DIAPH2: variants seen among roughly 807,000 people sequenced by gnomAD.
The protein encoded by DIAPH2 is diaphanous related formin 2.
In DIAPH2, 35 loss-of-function variants were observed where a neutral mutation model predicts 92.7. The observed-to-expected ratio is 0.38, with a 90% CI of 0.29 to 0.50. DIAPH2 has a LOEUF of 0.50. Among genes scored for constraint, DIAPH2 ranks in the 20% least tolerant of loss-of-function variants. DIAPH2 has a pLI of 0.94. For missense variants in DIAPH2, 701 were observed against 819.5 expected (o/e 0.86, Z 1.77); for synonymous variants, 301 against 280.4 (o/e 1.07, Z -0.73).
In DIAPH2 at chrX:97,303,624, T is replaced by G. The variant is rs538695924; in HGVS notation, c.2845-44492T>G. 3.6e-5 allele frequency among the ~76,000 whole-genome samples: 4 copies of G among 111,805 alleles called. No individual in the cohort carries two copies. In the South Asian group the frequency reaches 1.5e-3, roughly 41 times the overall value. On this transcript the variant is annotated intron_variant, in intron 23 of 26. Coordinates refer to ENST00000324765, the MANE Select transcript of DIAPH2 (RefSeq NM_006729.5). ...TGTTCTACAGGATGTTACAATAATG[T>G]TAAAAAAGGGAAAGAAAAAGTATGG...
At chrX:97,106,181 T>C (rs1272398617) in intron 20 of DIAPH2, among the ~76,000 whole-genome samples, 1 of 111,996 alleles carries the variant, frequency 8.9e-6, no homozygotes, top group Non-Finnish European at 1.9e-5. Flanking sequence ...GAAAATTGCA[T>C]TTTTCTTTAT....
intron 4 of DIAPH2, among the ~76,000 whole-genome samples, chrX:96,829,760 G>T (rs1017897611): frequency 9.0e-6 from 1 of 111,415 alleles, no homozygotes; most frequent in African/African-American, 3.3e-5. Flanking sequence ...CTCTCAAATT[G>T]CTGGGATTAT....
At chrX:97,567,913 G>A (rs917175795) in intron 26 of DIAPH2, among the ~76,000 whole-genome samples, 3 of 108,780 alleles carry the variant, frequency 2.8e-5, no homozygotes, top group Non-Finnish European at 5.7e-5. Flanking sequence ...TTGGGAGTTC[G>A]AGACAAGCGT....
At chrX:96,824,438 AT>A (rs1352294997) in intron 4 of DIAPH2, among the ~76,000 whole-genome samples, 1 of 110,353 alleles carries the variant, frequency 9.1e-6, no homozygotes, top group African/African-American at 3.3e-5. Context: ...TGCTCTTCGT[AT>A]TACAAGTAGG....
At chrX:97,222,765 C>A (rs1246888877) in intron 22 of DIAPH2, among the ~76,000 whole-genome samples, 1 of 111,551 alleles carries the variant, frequency 9.0e-6, no homozygotes, top group Non-Finnish European at 1.9e-5. Context: ...TATAATGTGA[C>A]CCTTTAATTC....
In DIAPH2 at chrX:96,773,802, G is replaced by A. The variant is rs1334013780; in HGVS notation, c.447+15544G>A. Among the ~76,000 whole-genome samples the A allele has an allele frequency of 5.4e-5, 6 of 111,361 alleles. 1 individual carries two copies. The highest frequency in any genetic ancestry group is 3.8e-4 in the Admixed American group (4 of 10,453). ...GCAGAGGTTGCAGTGAGCTGAGATCGCGCCTCTGCACTCCAACCTGGGCAA... is the reference window on the plus strand; with the variant it reads ...GCAGAGGTTGCAGTGAGCTGAGATCACGCCTCTGCACTCCAACCTGGGCAA... On this transcript the variant is annotated intron_variant, in intron 4 of 26. Transcript: ENST00000324765.
chrX:97,373,408 T>G (rs2069467219), intron 24 of DIAPH2, among the ~76,000 whole-genome samples: 1 of 109,786 alleles, frequency 9.1e-6, no homozygotes, highest in African/African-American at 3.3e-5. Context: ...TATTATTATG[T>G]AAATCAACTA....
At chrX:97,194,443 G>C (rs1159748259) in intron 22 of DIAPH2, among the ~76,000 whole-genome samples, 2 of 109,722 alleles carry the variant, frequency 1.8e-5, no homozygotes, top group South Asian at 4.0e-4. Context: ...CACCAAGCCC[G>C]GCTAATTTCT....
chrX:97,333,427 G>C (rs1004826563), intron 23 of DIAPH2, among the ~76,000 whole-genome samples: 1 of 111,475 alleles, frequency 9.0e-6, no homozygotes, highest in Non-Finnish European at 1.9e-5. Flanking sequence ...CTCAAGTTCT[G>C]ATAAAACACA....
chrX:97,522,688 AT>A (rs922172521), intron 26 of DIAPH2, among the ~76,000 whole-genome samples: 11 of 110,648 alleles, frequency 9.9e-5, no homozygotes, highest in African/African-American at 3.3e-4. Context: ...TGGAACCCTC[AT>A]TTTTTTTTGT....
chrX:97,416,488 G>T (rs944714964), intron 25 of DIAPH2, among the ~76,000 whole-genome samples: 1 of 112,362 alleles, frequency 8.9e-6, no homozygotes, highest in African/African-American at 3.2e-5. Context: ...TTCTTAGGGA[G>T]TTTGGACTCA....
chrX:96,894,154 C>G (rs2065326591), intron 5 of DIAPH2, among the ~76,000 whole-genome samples: 1 of 111,700 alleles, frequency 9.0e-6, no homozygotes, highest in African/African-American at 3.3e-5. Flanking sequence ...CAACCTACTC[C>G]TGTTAGGTCA....
intron 25 of DIAPH2, among the ~76,000 whole-genome samples, chrX:97,387,254 A>G (rs1030301480): frequency 1.8e-5 from 2 of 111,680 alleles, no homozygotes; most frequent in Admixed American, 1.9e-4. Flanking sequence ...CTGACAAGAG[A>G]TGATGGTGGC....
chrX:97,090,297 C>CTTT (rs2066813688), intron 19 of DIAPH2, among the ~76,000 whole-genome samples: 1 of 51,094 alleles, frequency 2.0e-5, no homozygotes, highest in African/African-American at 6.3e-5. Flanking sequence ...GTCTCTGATC[C>CTTT]CTTTTTTTTT....
At chrX:97,063,431 A>T (rs2066613873) in intron 17 of DIAPH2, among the ~76,000 whole-genome samples, 1 of 112,287 alleles carries the variant, frequency 8.9e-6, no homozygotes, top group African/African-American at 3.2e-5. Flanking sequence ...GTAGCTGCTT[A>T]TGAGCTCTCA....
intron 26 of DIAPH2, among the ~76,000 whole-genome samples, chrX:97,590,808 G>A (rs1464109802): frequency 1.3e-4 from 15 of 111,235 alleles, no homozygotes; most frequent in African/African-American, 3.9e-4. Context: ...GAACCTCTTC[G>A]GAAGATTTCA....
intron 4 of DIAPH2, among the ~76,000 whole-genome samples, chrX:96,852,526 A>G (rs1318961143): frequency 8.9e-6 from 1 of 111,824 alleles, no homozygotes; most frequent in Non-Finnish European, 1.9e-5. Context: ...GAGCTGTGCT[A>G]CAAAGAGAGC....
chrX:96,978,006 A>G (rs2065972751), intron 17 of DIAPH2, among the ~76,000 whole-genome samples: 1 of 112,353 alleles, frequency 8.9e-6, no homozygotes, highest in Admixed American at 9.4e-5. Flanking sequence ...TTATATTGGC[A>G]AATAGAAATT....
In DIAPH2 at chrX:97,114,820, T is replaced by C. The variant is rs779720854; in HGVS notation, c.2444T>C (p.Ile815Thr). The change falls in exon 21 of 27, where the codon ATA becomes ACA. Residue 815 changes from isoleucine (I) to threonine (T), a missense_variant. This residue lies in a region of DIAPH2 where 536 missense variants were observed against 599.3 expected (regional missense o/e 0.89). Transcript: ENST00000324765. ...EHINNIKPSI[I>T]AVTLACEELK... Reference sequence around the variant, plus strand: ...ATAAACAACATCAAACCAAGCATCATAGCAGTAACTCTTGCCTGTGAAGAA... The same window carrying C: ...ATAAACAACATCAAACCAAGCATCACAGCAGTAACTCTTGCCTGTGAAGAA... 1 of 1,211,552 alleles carries C rather than the reference T, an allele frequency of 8.3e-7. No individual in the cohort carries two copies. The highest frequency in any genetic ancestry group is 1.1e-6 in the Non-Finnish European group (1 of 895,303).
Sources: allele counts gnomAD v4.1 joint callset (sites outside exome capture counted in the v4.1 genomes callset), GRCh38; gene constraint gnomAD v4.1.1; regional missense constraint gnomAD v4.1.1; transcripts MANE v1.5; gene names NCBI Gene and HGNC (gene_info 2026-07-23, HGNC 2026-07-21).